The following RNF125 variants were observed in gnomAD, a reference collection of about 807,000 sequenced individuals.
RNF125 encodes the protein ring finger protein 125, also known as E3 ubiquitin-protein ligase RNF125.
A neutral mutation model predicts 26.0 loss-of-function variants in RNF125; 21 were observed. The observed-to-expected ratio is 0.81, with a 90% confidence interval of 0.57 to 1.16. The LOEUF (loss-of-function observed/expected upper bound fraction) is 1.16, where lower values mean the gene tolerates loss of function less well. Ranked by LOEUF, RNF125 falls within the 50% of genes most tolerant of loss-of-function variation. The pLI, the probability that RNF125 is intolerant of heterozygous loss-of-function variation, is 0.00. For missense variants in RNF125, 270 were observed against 299.4 expected, an observed-to-expected ratio of 0.90 and a Z score of 0.72; for synonymous variants, 95 against 109.2, an observed-to-expected ratio of 0.87 and a Z score of 0.81.
At chr18:32,037,434 C>T (rs888129518) in intron 2 of RNF125, among the ~76,000 whole-genome samples, 165 bp downstream of exon 2, 6 of 131,316 alleles carry the variant, frequency 4.6e-5, no homozygotes, top group Non-Finnish European at 9.3e-5. Context: ...TGCAGTGGTG[C>T]GATCTCGGCT....
At chr18:32,082,224 A>G in the RNF125 span, among the ~76,000 whole-genome samples, 1 of 151,974 alleles carries the variant, frequency 6.6e-6, no homozygotes, top group Non-Finnish European at 1.5e-5. Context: ...CAAATCAAAT[A>G]GGAAAACAAA....
At chr18:32,033,192 G>C (rs534478320) in intron 1 of RNF125, among the ~76,000 whole-genome samples, 1 of 152,240 alleles carries the variant, frequency 6.6e-6, no homozygotes, top group African/African-American at 2.4e-5. Flanking sequence ...AGATGGAAAG[G>C]GAGAAGAGGA....
chr18:32,075,967 A>G (rs2039567871), downstream of RNF125: 5 of 1,489,844 alleles, frequency 3.4e-6, no homozygotes, highest in Admixed American at 3.4e-5. Flanking sequence ...TGAGGTTGTC[A>G]GTACAATGAA....
At chr18:32,034,684 G>A (rs142623963) in intron 1 of RNF125, among the ~76,000 whole-genome samples, 3,651 of 151,934 alleles carry the variant, frequency 0.024, 138 homozygotes, top group African/African-American at 0.084. Flanking sequence ...AGGCTGAGGC[G>A]GGCAGATCAC....
rs1313128167 is a variant in RNF125 at position 32,072,297 on chromosome 18, A to T, written c.*3913A>T. The stretch of plus-strand genomic sequence containing the variant: ...ATTTTTCAGGAATAATCATAAAAAG[A>T]AATGATCATCAGACTGAAAGTCCAG... On this transcript the variant is annotated 3_prime_UTR_variant, in exon 6 of 6. Coordinates refer to ENST00000217740, the MANE Select transcript of RNF125 (RefSeq NM_017831.4). 2 of 152,240 alleles carry T rather than the reference A, an allele frequency of 1.3e-5. No homozygotes were observed. The highest frequency in any genetic ancestry group is 2.9e-5 in the Non-Finnish European group (2 of 68,050). 9.4% of individuals were successfully genotyped at this position (152,240 alleles called of 1,614,324 possible).
the RNF125 span, among the ~76,000 whole-genome samples, chr18:32,080,027 T>TTTCTG: frequency 6.6e-6 from 1 of 152,074 alleles, no homozygotes; most frequent in Non-Finnish European, 1.5e-5. Flanking sequence ...TATGTTTTTG[T>TTTCTG]TTTTGTTTTG....
In RNF125 at chr18:32,028,714, G is replaced by A. The variant is rs901451820; in HGVS notation, c.165-8402G>A. On this transcript the variant is annotated intron_variant, in intron 1 of 5. Transcript: ENST00000217740. ...ACTACAGGTGTGTGCCAACACGCCC[G>A]GCTAATTTTTGTATTTTTTAGTAGA... Among the ~76,000 whole-genome samples, 10 of 151,452 alleles carry A rather than the reference G, an allele frequency of 6.6e-5. No individual in the cohort carries two copies. In the East Asian group the frequency reaches 1.8e-3, roughly 27 times the overall value.
chr18:32,087,208 T>C, the RNF125 span, among the ~76,000 whole-genome samples: 1 of 151,986 alleles, frequency 6.6e-6, no homozygotes, highest in African/African-American at 2.4e-5. Flanking sequence ...TGTGTGCTGC[T>C]TCAGCTTCAA....
downstream of RNF125, chr18:32,076,328 T>C: frequency 3.3e-6 from 1 of 301,750 alleles, no homozygotes; most frequent in South Asian, 3.2e-5. Context: ...TTTTTTGTTT[T>C]TTTTTTGAAA....
At chr18:32,062,587 T>G (rs16962681) in intron 4 of RNF125, among the ~76,000 whole-genome samples, 12,286 of 152,212 alleles carry the variant, frequency 0.081, 1,207 homozygotes, top group African/African-American at 0.24. Context: ...TTGAGCATAT[T>G]GAAACTGAGA....
At chr18:32,078,568 A>C in the RNF125 span, among the ~76,000 whole-genome samples, 4 of 152,066 alleles carry the variant, frequency 2.6e-5, no homozygotes, top group African/African-American at 9.7e-5. Flanking sequence ...TAAGCCCAGG[A>C]GTTCAACGCT....
chr18:32,064,354 A>T (rs905897187), intron 4 of RNF125, among the ~76,000 whole-genome samples: 1 of 151,056 alleles, frequency 6.6e-6, no homozygotes, highest in African/African-American at 2.4e-5. Context: ...CACACTGAAA[A>T]ATATGAGTAC....
Position 32,070,701 on chromosome 18 carries a change from C to G in RNF125, c.*2317C>G, listed in dbSNP as rs922139014. 1.4e-5 allele frequency: 2 copies of G among 147,596 alleles called. No individual in the cohort carries two copies. The highest frequency in any genetic ancestry group is 3.0e-5 in the Non-Finnish European group (2 of 66,572). The allele number at this position is 147,596 out of a possible 1,614,324, so 9.1% of individuals were successfully genotyped here. ...TTTCATTTGCTTTTCTCATTCTTTC[C>G]CAATTTTTTTTTTTTTTTGAGATGG... On this transcript the variant is annotated 3_prime_UTR_variant, in exon 6 of 6. Transcript: ENST00000217740.
chr18:32,036,764 C>T (rs2039160012), intron 1 of RNF125, among the ~76,000 whole-genome samples: 1 of 151,992 alleles, frequency 6.6e-6, no homozygotes, highest in African/African-American at 2.4e-5. Flanking sequence ...CACAAAACCC[C>T]ACAGAAGAAA....
At chr18:32,025,907 A>G (rs2039029638) in intron 1 of RNF125, among the ~76,000 whole-genome samples, 1 of 152,018 alleles carries the variant, frequency 6.6e-6, no homozygotes, top group South Asian at 2.1e-4. Flanking sequence ...AGCTTTCAAA[A>G]GGCCAATACA....
Position 32,066,003 on chromosome 18 carries a change from T to G in RNF125, c.606T>G (p.Asp202Glu), listed in dbSNP as rs1488049851. 3.8e-6 allele frequency: 6 copies of G among 1,560,792 alleles called. No individual in the cohort carries two copies. Among genetic ancestry groups the G allele is most frequent in the African/African-American group, 1.4e-5 (1 of 73,808 alleles). The change falls in exon 5 of 6, where the codon GAT becomes GAG. Residue 202 changes from aspartate to glutamate, a missense_variant. Asp to Glu is a conservative substitution (Grantham distance 45, BLOSUM62 2). Coordinates refer to ENST00000217740, the MANE Select transcript of RNF125 (RefSeq NM_017831.4). The stretch of plus-strand genomic sequence containing the variant: ...TTAGTCACACTTTGTTTTATGATGA[T>G]TTCATAGTAAGTATATTTTCTTATT... Reference protein sequence around the residue: ...LQVSHTLFYDDFIDFNIIEEA... With the variant: ...LQVSHTLFYDEFIDFNIIEEA...
intron 4 of RNF125, among the ~76,000 whole-genome samples, chr18:32,058,185 T>C (rs1432305562): frequency 6.8e-6 from 1 of 148,034 alleles, no homozygotes; most frequent in Admixed American, 6.8e-5. Flanking sequence ...TATGACCATA[T>C]ATGTACTTTC....
intron 5 of RNF125, among the ~76,000 whole-genome samples, chr18:32,066,458 CAA>C (rs34052446): frequency 1.0e-4 from 12 of 115,374 alleles, no homozygotes; most frequent in African/African-American, 9.6e-5. Context: ...GACTTTGTCT[CAA>C]AAAAAAAAAA....
At chr18:32,055,066 C>T (rs967546408) in intron 4 of RNF125, among the ~76,000 whole-genome samples, 2 of 151,506 alleles carry the variant, frequency 1.3e-5, no homozygotes, top group Non-Finnish European at 2.9e-5. Context: ...GGAGGCCGAG[C>T]TGGGGGAATT....
Sources: allele counts gnomAD v4.1 joint callset (sites outside exome capture counted in the v4.1 genomes callset), GRCh38; gene constraint gnomAD v4.1.1; transcripts MANE v1.5; gene names NCBI Gene and HGNC (gene_info 2026-07-23, HGNC 2026-07-21).